The following ELAVL3 variants were observed in gnomAD, a reference collection of about 807,000 sequenced individuals.
The protein encoded by ELAVL3 is ELAV-like protein 3.
Under a neutral mutation model 34.2 loss-of-function variants are expected in ELAVL3, and 8 were observed. The ratio of observed to expected loss-of-function variants is 0.23; its 90% confidence interval spans 0.14 to 0.42. The LOEUF is 0.42. ELAVL3 is among the 10% of genes least tolerant of loss of function. The probability of loss-of-function intolerance (pLI) is 1.00; values close to 1 mark genes in which losing one functional copy is unlikely to be tolerated. For missense variants in ELAVL3, 273 were observed against 518.8 expected, an observed-to-expected ratio of 0.53 and a Z score of 4.60; for synonymous variants, 209 against 222.1, an observed-to-expected ratio of 0.94 and a Z score of 0.53.
rs1970682970 is a variant in ELAVL3, at chr19:11,452,852, AAG to A, written c.*1672_*1673del. Reference sequence around the variant, plus strand: ...TGTTGGAATTTTTTTTTTTTAAAGAAAGAAAACTAGGGCGATGCAATGTCCAG... The same window carrying A: ...TGTTGGAATTTTTTTTTTTTAAAGAAAAAACTAGGGCGATGCAATGTCCAG... On this transcript the variant is annotated 3_prime_UTR_variant, in exon 7 of 7. Transcript: ENST00000359227. 2 of 152,096 alleles carry A rather than the reference AAG, an allele frequency of 1.3e-5. No homozygotes were observed. Among genetic ancestry groups the A allele is most frequent in the South Asian group, 4.2e-4 (2 of 4,808 alleles). 9.4% of individuals were successfully genotyped at this position (152,096 alleles called of 1,614,324 possible). A position where few individuals can be genotyped will look rare whatever the true frequency, so the allele number is the denominator to read the frequency against.
At chr19:11,463,742 T>C (rs1599536602) in intron 3 of ELAVL3, among the ~76,000 whole-genome samples, 1 of 151,758 alleles carries the variant, frequency 6.6e-6, no homozygotes, top group African/African-American at 2.4e-5. Flanking sequence ...GAGGCTGAGG[T>C]GGGTGGATCA....
intron 3 of ELAVL3, among the ~76,000 whole-genome samples, chr19:11,465,934 A>G (rs1447137482): frequency 6.6e-6 from 1 of 152,110 alleles, no homozygotes; most frequent in Non-Finnish European, 1.5e-5. Flanking sequence ...CTGAGCCTCC[A>G]GAGATCGTGG....
In ELAVL3 at chr19:11,451,482, C is replaced by CT. The variant is rs1568374236; in HGVS notation, c.*3043dup. ...TGTTGGGTTTTTTTTTTTTTTTTGT[C>CT]TTTTGTTTTGTCTTTTTTTTTTTTT... On this transcript the variant is annotated 3_prime_UTR_variant, in exon 7 of 7. Transcript: ENST00000359227. 3.6e-5 allele frequency: 3 copies of CT among 82,836 alleles called. No individual in the cohort carries two copies. The highest frequency in any genetic ancestry group is 9.1e-5 in the African/African-American group (2 of 22,010). The allele number at this position is 82,836 out of a possible 1,614,324, so 5.1% of individuals were successfully genotyped here. A position where few individuals can be genotyped will look rare whatever the true frequency, so the allele number is the denominator to read the frequency against.
chr19:11,471,612 C>CA (rs201835223), intron 1 of ELAVL3, among the ~76,000 whole-genome samples: 339 of 143,060 alleles, frequency 2.4e-3, no homozygotes, highest in African/African-American at 7.2e-3. Context: ...GACTCTGTCT[C>CA]AAAAAAAAAA....
intron 3 of ELAVL3, among the ~76,000 whole-genome samples, chr19:11,464,760 T>TA (rs1568382484): frequency 1.6e-5 from 1 of 61,782 alleles, no homozygotes. Context: ...CACACACACA[T>TA]CACACACACC....
intron 1 of ELAVL3, among the ~76,000 whole-genome samples, chr19:11,469,982 G>A (rs1164895183): frequency 2.6e-5 from 4 of 152,146 alleles, no homozygotes; most frequent in Non-Finnish European, 4.4e-5. Context: ...ACCTGAGGTC[G>A]GGAGGTCAAG....
At chr19:11,456,503 A>T (rs1437908449) in intron 6 of ELAVL3, among the ~76,000 whole-genome samples, 20 of 132,948 alleles carry the variant, frequency 1.5e-4, no homozygotes, top group African/African-American at 2.5e-4. Flanking sequence ...TTTTTTAATT[A>T]TTTTTTTTTT....
At chr19:11,455,176 GATTTGTGGTGACAC>G (rs1364437350) in intron 6 of ELAVL3, among the ~76,000 whole-genome samples, 3 of 151,812 alleles carry the variant, frequency 2.0e-5, no homozygotes, top group Non-Finnish European at 4.4e-5. Context: ...TTTTTTTTAT[GATTTGTGGTGACAC>G]AGTCTCACTA....
chr19:11,460,826 C>G (rs140275913), intron 3 of ELAVL3, among the ~76,000 whole-genome samples: 3 of 151,872 alleles, frequency 2.0e-5, no homozygotes, highest in African/African-American at 7.3e-5. Flanking sequence ...AATTATAGTC[C>G]AACCCAACAA....
At position 11,452,778 on chromosome 19, in the gene ELAVL3, G is replaced by C. The variant is rs1009889458; in HGVS notation, c.*1748C>G. On this transcript the variant is annotated 3_prime_UTR_variant, in exon 7 of 7. Coordinates refer to ENST00000359227, the MANE Select transcript of ELAVL3 (RefSeq NM_001420.4). ...CTCAGTTCCGATGGGGCCGCTGAGT[G>C]GGGTGGGGAGCGGTGCGAGGGCTCC... 3 of 151,974 alleles carry C rather than the reference G, an allele frequency of 2.0e-5. No individual in the cohort carries two copies. The highest frequency in any genetic ancestry group is 7.3e-5 in the African/African-American group (3 of 41,362). 9.4% of individuals were successfully genotyped at this position (151,974 alleles called of 1,614,324 possible).
Position 11,466,717 on chromosome 19 carries a change from G to T in ELAVL3, c.120C>A (p.Asn40Lys). The change falls in exon 2 of 7, where the codon AAC (asparagine) becomes AAA (lysine). Residue 40 changes from asparagine to lysine, a missense_variant. By Grantham distance (94) the Asn-to-Lys change is moderately conservative. This residue lies in a region of ELAVL3 where 102 missense variants were observed against 250.1 expected (regional missense o/e 0.41). Transcript: ENST00000359227. This position sits in a 1 kb window ranked among gnomAD's most constrained non-coding sequence, Gnocchi z 5.0. Reference sequence around the variant, plus strand: ...TCTGGGGCAGGTAGTTGACGATGAGGTTGGTCTTGCTGTCGTCAGTGGCTC... The same window carrying T: ...TCTGGGGCAGGTAGTTGACGATGAGTTTGGTCTTGCTGTCGTCAGTGGCTC... ...TNGATDDSKT[N>K]LIVNYLPQNM... 6.2e-7 allele frequency: 1 copy of T among 1,614,212 alleles called. No individual in the cohort carries two copies. The highest frequency in any genetic ancestry group is 8.5e-7 in the Non-Finnish European group (1 of 1,180,040).
chr19:11,461,393 G>C (rs1043532233), intron 3 of ELAVL3, among the ~76,000 whole-genome samples: 1 of 152,046 alleles, frequency 6.6e-6, no homozygotes, highest in African/African-American at 2.4e-5. Context: ...CCAGGGACTG[G>C]GGAAGAGGCT....
chr19:11,457,053 G>C, intron 6 of ELAVL3, 57 bp downstream of exon 6: 5 of 1,413,590 alleles, frequency 3.5e-6, no homozygotes, highest in Non-Finnish European at 4.7e-6. Context: ...CTGGGGAGGG[G>C]TGCATCAGGG....
chr19:11,462,509 C>A (rs975133631), intron 3 of ELAVL3, among the ~76,000 whole-genome samples: 1 of 149,968 alleles, frequency 6.7e-6, no homozygotes, highest in East Asian at 2.0e-4. Context: ...TGGTGGCGGG[C>A]GCCTGTAATC....
At chr19:11,461,578 T>G (rs983280002) in intron 3 of ELAVL3, among the ~76,000 whole-genome samples, 1 of 151,682 alleles carries the variant, frequency 6.6e-6, no homozygotes, top group African/African-American at 2.4e-5. Flanking sequence ...CTCTTTCTTT[T>G]TCTTGTTAAG....
Position 11,466,065 on chromosome 19 carries a change from G to T in ELAVL3, c.333+107C>A. On this transcript the variant is annotated intron_variant, in intron 3 of 6. Coordinates refer to ENST00000359227, the MANE Select transcript of ELAVL3 (RefSeq NM_001420.4). This position sits in a 1 kb window ranked among gnomAD's most constrained non-coding sequence, Gnocchi z 5.0. ...TTGAGCCCCTCTGGGGATGAGTCCT[G>T]AAAGGCAGTGGACATGGATGCATGG... The T allele has an allele frequency of 9.8e-7, 1 of 1,022,452 alleles. No homozygotes were observed. The highest frequency in any genetic ancestry group is 1.5e-6 in the Non-Finnish European group (1 of 668,936). 63.3% of individuals were successfully genotyped at this position (1,022,452 alleles called of 1,614,324 possible).
In ELAVL3 at chr19:11,454,899, C is replaced by T. The variant is rs1970736644; in HGVS notation, c.753-22G>A. 1 of 1,574,542 alleles carries T rather than the reference C, an allele frequency of 6.4e-7. No homozygotes were observed. The highest frequency in any genetic ancestry group is 1.7e-5 in the Admixed American group (1 of 58,180). The stretch of plus-strand genomic sequence containing the variant: ...GGGACTACTTTGGGGGTCACGCGGG[C>T]TCTGCCCTGACCCCCCGCATGCTTC... On this transcript the variant is annotated intron_variant, in intron 6 of 6. Coordinates refer to ENST00000359227, the MANE Select transcript of ELAVL3 (RefSeq NM_001420.4). This position sits in a 1 kb window ranked among gnomAD's most constrained non-coding sequence, Gnocchi z 9.2.
intron 1 of ELAVL3, among the ~76,000 whole-genome samples, chr19:11,472,884 T>C (rs935315975): frequency 2.6e-5 from 4 of 150,962 alleles, no homozygotes; most frequent in Non-Finnish European, 5.9e-5. Context: ...TGACCAAACA[T>C]GGTGAAACCC....
Position 11,480,567 on chromosome 19 carries a change from C to T in ELAVL3, c.9+33G>A, listed in dbSNP as rs1971357993. 6.6e-7 allele frequency: 1 copy of T among 1,510,166 alleles called. No individual in the cohort carries two copies. The highest frequency in any genetic ancestry group is 1.3e-5 in the South Asian group (1 of 77,636). 93.5% of individuals were successfully genotyped at this position (1,510,166 alleles called of 1,614,324 possible). On this transcript the variant is annotated intron_variant, in intron 1 of 6. Coordinates refer to ENST00000359227, the MANE Select transcript of ELAVL3 (RefSeq NM_001420.4). This position sits in a 1 kb window ranked among gnomAD's most constrained non-coding sequence, Gnocchi z 6.8. ...AGCCTGGGCCCAACTCCTCCCCGTC[C>T]CGATTCCCTTTCGGCGACAGGGGAA...
Sources: gnomAD v4.1 joint callset for allele counts (sites outside exome capture counted in the v4.1 genomes callset) on GRCh38, gnomAD v4.1.1 for gene constraint, gnomAD v4.1.1 regional missense constraint, Gnocchi (gnomAD v3.1) non-coding constraint, MANE v1.5 for transcripts, NCBI Gene and HGNC (gene_info 2026-07-23, HGNC 2026-07-21) for gene names.